HS3ST4: variants seen among roughly 807,000 people sequenced by gnomAD.
HS3ST4 encodes heparan sulfate glucosamine 3-O-sulfotransferase 4.
In HS3ST4, 17 loss-of-function variants were observed where a neutral mutation model predicts 29.2. That is an observed-to-expected ratio of 0.58 (90% CI 0.40 to 0.87). The LOEUF (loss-of-function observed/expected upper bound fraction) is 0.87. HS3ST4 is among the 40% of genes least tolerant of loss of function. HS3ST4 has a pLI of 0.00. For synonymous variants in HS3ST4, 314 were observed against 285.7 expected (o/e 1.10, Z -1.00); for missense variants, 627 against 634.5 (o/e 0.99, Z 0.13).
At chr16:25,828,951 G>C (rs58677257) in intron 1 of HS3ST4, among the ~76,000 whole-genome samples, 22,340 of 152,248 alleles carry the variant, frequency 0.15, 1,801 homozygotes, top group Non-Finnish European at 0.17. Flanking sequence ...ACGTGAAAGT[G>C]CCTGTTGGGG....
rs183376598 is a variant in HS3ST4 at position 26,085,614 on chromosome 16, T to C, written c.735-49998T>C. On this transcript the variant is annotated intron_variant, in intron 1 of 1. Coordinates refer to ENST00000331351, the MANE Select transcript of HS3ST4 (RefSeq NM_006040.3). ...GGCCAGGCACAGTGGCTCACGCCTATAATCCCAATGTTTTGGGAGGCCCAG... is the reference window on the plus strand; with the variant it reads ...GGCCAGGCACAGTGGCTCACGCCTACAATCCCAATGTTTTGGGAGGCCCAG... 9.9e-5 allele frequency among the ~76,000 whole-genome samples: 15 copies of C among 152,284 alleles called. No individual in the cohort carries two copies. In the East Asian group the frequency reaches 2.9e-3, roughly 29 times the overall value.
chr16:25,958,768 A>G (rs1309691105), intron 1 of HS3ST4, among the ~76,000 whole-genome samples: 2 of 152,182 alleles, frequency 1.3e-5, no homozygotes, highest in African/African-American at 2.4e-5. Context: ...GTTGGAGGGT[A>G]GTTCTCTTCC....
intron 1 of HS3ST4, among the ~76,000 whole-genome samples, chr16:26,009,279 G>C (rs1302431235): frequency 6.6e-6 from 1 of 152,192 alleles, no homozygotes; most frequent in African/African-American, 2.4e-5. Context: ...AGAAATTTAA[G>C]TGTATGTCTT....
At chr16:25,961,847 A>C (rs1968796029) in intron 1 of HS3ST4, among the ~76,000 whole-genome samples, 1 of 152,020 alleles carries the variant, frequency 6.6e-6, no homozygotes, top group Admixed American at 6.6e-5. Flanking sequence ...ACTTACACTT[A>C]AAGTTTCTTA....
At chr16:25,958,456 G>C (rs112865975) in intron 1 of HS3ST4, among the ~76,000 whole-genome samples, 1 of 151,768 alleles carries the variant, frequency 6.6e-6, no homozygotes, top group Non-Finnish European at 1.5e-5. Context: ...TCAGCCTCCC[G>C]AGTAGCTGGG....
chr16:25,800,342 G>A (rs932815255), intron 1 of HS3ST4, among the ~76,000 whole-genome samples: 1 of 151,836 alleles, frequency 6.6e-6, no homozygotes, highest in Non-Finnish European at 1.5e-5. Context: ...TTTTCTGTTA[G>A]CTGGTAACAC....
intron 1 of HS3ST4, among the ~76,000 whole-genome samples, chr16:26,001,973 A>T (rs1225042903): frequency 6.6e-6 from 1 of 152,108 alleles, no homozygotes; most frequent in Non-Finnish European, 1.5e-5. Context: ...ATTGAACATG[A>T]GGGCCAGGGC....
intron 1 of HS3ST4, among the ~76,000 whole-genome samples, chr16:25,818,078 A>G (rs951053621): frequency 2.6e-5 from 4 of 152,200 alleles, no homozygotes; most frequent in Admixed American, 2.0e-4. Context: ...ACAGATCCAG[A>G]TGGAATAGTG....
intron 1 of HS3ST4, among the ~76,000 whole-genome samples, chr16:25,695,145 T>G (rs1401587944): frequency 6.6e-6 from 1 of 152,180 alleles, no homozygotes; most frequent in Non-Finnish European, 1.5e-5. Flanking sequence ...AACCAATGCT[T>G]GTGGTATTTG....
chr16:25,712,186 G>T (rs1325951795), intron 1 of HS3ST4, among the ~76,000 whole-genome samples: 1 of 152,066 alleles, frequency 6.6e-6, no homozygotes, highest in African/African-American at 2.4e-5. Context: ...CAAATTTTGA[G>T]CCTGACCACA....
chr16:25,729,923 G>T (rs765877076), intron 1 of HS3ST4, among the ~76,000 whole-genome samples: 2 of 152,116 alleles, frequency 1.3e-5, no homozygotes, highest in Non-Finnish European at 2.9e-5. Context: ...TGCTCTGGTG[G>T]CTCATACACA....
intron 1 of HS3ST4, among the ~76,000 whole-genome samples, chr16:25,716,641 T>C (rs1966456119): frequency 6.6e-6 from 1 of 152,262 alleles, no homozygotes; most frequent in South Asian, 2.1e-4. Context: ...CTAAACTTAA[T>C]TGTAATGGAT....
intron 1 of HS3ST4, among the ~76,000 whole-genome samples, chr16:25,864,249 G>T (rs906122231): frequency 6.6e-6 from 1 of 152,198 alleles, no homozygotes; most frequent in Non-Finnish European, 1.5e-5. Context: ...CGTATGCAAT[G>T]TGAAATTATT....
chr16:25,725,970 A>G (rs993110911), intron 1 of HS3ST4, among the ~76,000 whole-genome samples: 1 of 152,214 alleles, frequency 6.6e-6, no homozygotes, highest in African/African-American at 2.4e-5. Context: ...TGCATTTTAT[A>G]TAATGACCTA....
At chr16:25,748,820 T>A (rs1463516244) in intron 1 of HS3ST4, among the ~76,000 whole-genome samples, 1 of 152,214 alleles carries the variant, frequency 6.6e-6, no homozygotes, top group East Asian at 1.9e-4. Context: ...ATGTACACTC[T>A]ATTAGGAAAT....
chr16:25,734,296 T>C (rs889786171), intron 1 of HS3ST4, among the ~76,000 whole-genome samples: 2 of 152,200 alleles, frequency 1.3e-5, no homozygotes, highest in African/African-American at 4.8e-5. Context: ...GCCACAAGTA[T>C]GTAAAAATCG....
chr16:25,880,215 A>G (rs1363931005), intron 1 of HS3ST4, among the ~76,000 whole-genome samples: 1 of 152,198 alleles, frequency 6.6e-6, no homozygotes, highest in African/African-American at 2.4e-5. Flanking sequence ...TGTTCGTGTC[A>G]TTAATGAATT....
At chr16:26,126,519 G>A (rs1048546248) in intron 1 of HS3ST4, among the ~76,000 whole-genome samples, 3 of 152,106 alleles carry the variant, frequency 2.0e-5, no homozygotes, top group South Asian at 2.1e-4. Flanking sequence ...GAAAATCTAG[G>A]CAGAGACAGG....
rs555641919 is a variant in HS3ST4 at position 25,753,109 on chromosome 16, G to A, written c.734+59958G>A. On this transcript the variant is annotated intron_variant, in intron 1 of 1. Transcript: ENST00000331351. ...CTCCCTGGAAAATGGCTCTGCCAAG[G>A]GGAAGTCAGTCTATAAATAAGAGCT... Among the ~76,000 whole-genome samples the A allele has an allele frequency of 1.6e-4, 25 of 152,264 alleles. No individual in the cohort carries two copies. The South Asian group carries it at 5.2e-3, about 32-fold the overall frequency.
Sources: gnomAD v4.1 joint callset for allele counts (sites outside exome capture counted in the v4.1 genomes callset) on GRCh38, gnomAD v4.1.1 for gene constraint, MANE v1.5 for transcripts, NCBI Gene and HGNC (gene_info 2026-07-23, HGNC 2026-07-21) for gene names.